HECTD2: variants seen among roughly 807,000 people sequenced by gnomAD.
The protein encoded by HECTD2 is HECT domain E3 ubiquitin protein ligase 2.
Under a neutral mutation model 103.2 loss-of-function variants are expected in HECTD2, and 35 were observed. That is an observed-to-expected ratio of 0.34 (90% CI 0.26 to 0.45). HECTD2 has a LOEUF of 0.45. Ranked by LOEUF, HECTD2 falls within the 20% of genes least tolerant of loss-of-function variation. HECTD2 has a pLI of 1.00. For synonymous variants in HECTD2, 281 were observed against 329.9 expected, an observed-to-expected ratio of 0.85 and a Z score of 1.61; for missense variants, 596 against 937.4, an observed-to-expected ratio of 0.64 and a Z score of 4.76.
In HECTD2 at chr10:91,410,348, C is replaced by T. The variant is rs1484391306; in HGVS notation, c.-91C>T. 3.9e-6 allele frequency: 3 copies of T among 768,380 alleles called. No individual in the cohort carries two copies. Among genetic ancestry groups the T allele is most frequent in the Non-Finnish European group, 5.1e-6 (3 of 584,818 alleles). The allele number at this position is 768,380 out of a possible 1,614,324, so 47.6% of individuals were successfully genotyped here. On this transcript the variant is annotated 5_prime_UTR_variant, in exon 1 of 21. Coordinates refer to ENST00000298068, the MANE Select transcript of HECTD2 (RefSeq NM_182765.6). ...GGCGGCTAGAAGCGGCAGCCCAGAG[C>T]CCTCTCGCGGCCGCGGCGGCAGCAG...
chr10:91,444,414 C>A (rs1331391204), intron 2 of HECTD2, among the ~76,000 whole-genome samples: 1 of 152,062 alleles, frequency 6.6e-6, no homozygotes, highest in Non-Finnish European at 1.5e-5. Context: ...AGTTTAGAAA[C>A]CAGAAGCCCA....
At position 91,496,378 on chromosome 10, in the gene HECTD2, T is replaced by A. The variant is rs765544344; in HGVS notation, c.1680+6T>A. 1.1e-4 allele frequency: 177 copies of A among 1,593,562 alleles called. 1 individual carries two copies. The East Asian group carries it at 3.9e-3, about 35-fold the overall frequency. On this transcript the variant is annotated splice_donor_region_variant and intron_variant, in intron 15 of 20. Transcript: ENST00000298068. ...ACTTATGTCAAATTATGCCTGTAAG[T>A]ATAAAGTTATTAATATCTTGTCCTT...
intron 2 of HECTD2, among the ~76,000 whole-genome samples, chr10:91,435,432 C>T (rs187187943): frequency 3.9e-5 from 6 of 152,010 alleles, no homozygotes; most frequent in East Asian, 1.9e-4. Context: ...TTCATGACCC[C>T]GCTGGCAAGC....
chr10:91,472,783 G>C (rs1462896740), intron 5 of HECTD2, among the ~76,000 whole-genome samples: 6 of 151,962 alleles, frequency 3.9e-5, no homozygotes, highest in African/African-American at 1.4e-4. Context: ...GGCTGTTACA[G>C]ATATTGAGAT....
chr10:91,489,031 T>C (rs1423608770), intron 11 of HECTD2: 1 of 152,210 alleles, frequency 6.6e-6, no homozygotes, highest in Non-Finnish European at 1.5e-5. Context: ...CTATGATTTT[T>C]TTATATTTGT....
In HECTD2 at chr10:91,512,464, G is replaced by T; in HGVS notation, c.*80G>T. 8.0e-7 allele frequency: 1 copy of T among 1,242,684 alleles called. No individual in the cohort carries two copies. The allele number at this position is 1,242,684 out of a possible 1,614,324, so 77.0% of individuals were successfully genotyped here. Reference sequence around the variant, plus strand: ...GTGCCTTTAGCCTTTTCATGTTTCTGTCTCAAAACACTTTGACAAAGCTCA... The same window carrying T: ...GTGCCTTTAGCCTTTTCATGTTTCTTTCTCAAAACACTTTGACAAAGCTCA... On this transcript the variant is annotated 3_prime_UTR_variant, in exon 21 of 21. Coordinates refer to ENST00000298068, the MANE Select transcript of HECTD2 (RefSeq NM_182765.6).
chr10:91,503,472 A>C (rs1319470720), intron 20 of HECTD2, among the ~76,000 whole-genome samples: 1 of 152,218 alleles, frequency 6.6e-6, no homozygotes, highest in East Asian at 1.9e-4. Context: ...CGGGAAGCGC[A>C]AGGGGTCAGG....
At chr10:91,459,198 T>C (rs75353616) in intron 2 of HECTD2, among the ~76,000 whole-genome samples, 2,191 of 152,054 alleles carry the variant, frequency 0.014, 49 homozygotes, top group African/African-American at 0.05. Context: ...TCAAAAATAA[T>C]GACACCACCA....
intron 2 of HECTD2, among the ~76,000 whole-genome samples, chr10:91,456,059 G>C (rs1213107020): frequency 6.6e-6 from 1 of 152,008 alleles, no homozygotes; most frequent in Non-Finnish European, 1.5e-5. Context: ...AATGCGGGCT[G>C]TTTTTTGGTT....
chr10:91,473,769 AGT>A (rs1845811045), intron 5 of HECTD2, among the ~76,000 whole-genome samples: 1 of 152,216 alleles, frequency 6.6e-6, no homozygotes, highest in Non-Finnish European at 1.5e-5. Context: ...ATAAGAATTC[AGT>A]GTATAATACA....
intron 2 of HECTD2, among the ~76,000 whole-genome samples, chr10:91,453,796 T>C (rs999592402): frequency 9.2e-5 from 14 of 152,110 alleles, no homozygotes; most frequent in African/African-American, 3.4e-4. Context: ...AGAAATTTGC[T>C]TCAAATATAA....
intron 2 of HECTD2, among the ~76,000 whole-genome samples, chr10:91,427,035 GT>G (rs1219537571): frequency 3.3e-5 from 4 of 121,066 alleles, no homozygotes; most frequent in Non-Finnish European, 6.5e-5. Context: ...AGAGTGTGAT[GT>G]TCCCCTTCCT....
In HECTD2 at chr10:91,410,411, G is replaced by A; in HGVS notation, c.-28G>A. The A allele has an allele frequency of 3.0e-6, 4 of 1,354,762 alleles. No homozygotes were observed. Among genetic ancestry groups the A allele is most frequent in the Middle Eastern group, 2.7e-4 (1 of 3,738 alleles). 83.9% of individuals were successfully genotyped at this position (1,354,762 alleles called of 1,614,324 possible). A position where few individuals can be genotyped will look rare whatever the true frequency, so the allele number is the denominator to read the frequency against. Reference sequence around the variant, plus strand: ...CAGCAACACTGAGGCCGCCGCCGCCGCCTGGCGCTCCCGCCGCCCGGCCCG... The same window carrying A: ...CAGCAACACTGAGGCCGCCGCCGCCACCTGGCGCTCCCGCCGCCCGGCCCG... On this transcript the variant is annotated 5_prime_UTR_variant, in exon 1 of 21. Coordinates refer to ENST00000298068, the MANE Select transcript of HECTD2 (RefSeq NM_182765.6).
chr10:91,422,009 C>T (rs1369188361), intron 1 of HECTD2, among the ~76,000 whole-genome samples: 2 of 152,106 alleles, frequency 1.3e-5, no homozygotes, highest in Admixed American at 6.6e-5. Flanking sequence ...TCATTTCTTC[C>T]AGTAGGCCTG....
intron 1 of HECTD2, among the ~76,000 whole-genome samples, chr10:91,418,152 C>G (rs943404849): frequency 2.6e-5 from 4 of 151,994 alleles, no homozygotes; most frequent in Non-Finnish European, 5.9e-5. Context: ...TAATGTATTT[C>G]AAATTAACTT....
chr10:91,512,359 A>AT lies in HECTD2; in HGVS notation c.2308dup (p.Ser770PhefsTer7), dbSNP rs780495942. On this transcript the variant is annotated frameshift_variant, in exon 21 of 21. Coordinates refer to ENST00000298068, the MANE Select transcript of HECTD2 (RefSeq NM_182765.6). LOFTEE classifies it high-confidence loss of function. Reference sequence around the variant, plus strand: ...CAGAAATTGATCATTGGAATTTCAAATTCAGAAGGTTTTGGACTTGAGTAA... The same window carrying AT: ...CAGAAATTGATCATTGGAATTTCAAATTTCAGAAGGTTTTGGACTTGAGTAA... 1.2e-6 allele frequency: 2 copies of AT among 1,613,706 alleles called. No homozygotes were observed. Among genetic ancestry groups the AT allele is most frequent in the Admixed American group, 3.3e-5 (2 of 60,014 alleles).
At chr10:91,430,484 A>G in intron 2 of HECTD2, among the ~76,000 whole-genome samples, 1 of 152,062 alleles carries the variant, frequency 6.6e-6, no homozygotes. Flanking sequence ...TGGGGTGTTA[A>G]AGTCTCCCAT....
chr10:91,455,955 A>G (rs1211582081), intron 2 of HECTD2, among the ~76,000 whole-genome samples: 2 of 152,046 alleles, frequency 1.3e-5, no homozygotes, highest in African/African-American at 2.4e-5. Context: ...TACCAGTACC[A>G]TGCTGTTTTG....
rs546045214 is a variant in HECTD2 at position 91,432,901 on chromosome 10, A to G, written c.268+7491A>G. Among the ~76,000 whole-genome samples the G allele has an allele frequency of 4.6e-5, 7 of 152,028 alleles. No homozygotes were observed. In the South Asian group the frequency reaches 1.0e-3, roughly 23 times the overall value. ...CAAGTGGTCTTCAGCTGAAATCGCA[A>G]TTGGATCTGTGTGTGAGTCCTGTGA... is the stretch of plus-strand genomic sequence containing the variant. On this transcript the variant is annotated intron_variant, in intron 2 of 20. Coordinates refer to ENST00000298068, the MANE Select transcript of HECTD2 (RefSeq NM_182765.6).
Sources: allele counts gnomAD v4.1 joint callset (sites outside exome capture counted in the v4.1 genomes callset), GRCh38; gene constraint gnomAD v4.1.1; transcripts MANE v1.5; gene names NCBI Gene and HGNC (gene_info 2026-07-23, HGNC 2026-07-21).